Variants in ZNF677 observed in about 807,000 individuals in gnomAD.
The protein encoded by ZNF677 is hypothetical protein MGC48625.
Under a neutral mutation model 8.1 loss-of-function variants are expected in ZNF677, and 5 were observed. That is an observed-to-expected ratio of 0.62 (90% CI 0.32 to 1.29). The LOEUF is 1.29. Among genes scored for constraint, ZNF677 ranks in the 50% most tolerant of loss-of-function variants. The probability of loss-of-function intolerance (pLI) is 0.05; values close to 1 mark genes in which losing one functional copy is unlikely to be tolerated. For missense variants in ZNF677, 685 were observed against 685.9 expected (o/e 1.00, Z 0.01); for synonymous variants, 221 against 225.6 (o/e 0.98, Z 0.18).
chr19:53,249,894 T>C (rs540255147), intron 3 of ZNF677, among the ~76,000 whole-genome samples: 266 of 152,240 alleles, frequency 1.7e-3, no homozygotes, highest in African/African-American at 6.0e-3. Flanking sequence ...TTTTTTGAGA[T>C]GGAGTTTTGC....
chr19:53,251,676 G>A lies in ZNF677; in HGVS notation c.-55-71C>T, dbSNP rs886617046. 3.5e-5 allele frequency: 37 copies of A among 1,053,872 alleles called. No individual in the cohort carries two copies. In the African/African-American group the frequency reaches 5.4e-4, roughly 16 times the overall value. 65.3% of individuals were successfully genotyped at this position (1,053,872 alleles called of 1,614,324 possible). On this transcript the variant is annotated intron_variant, in intron 2 of 4. Transcript: ENST00000598513. ...CCCTGCCTCTACCACACACACACAGGAAGAGGCTTGATATAGAAAAAAGAT... is the reference window on the plus strand; with the variant it reads ...CCCTGCCTCTACCACACACACACAGAAAGAGGCTTGATATAGAAAAAAGAT...
intron 4 of ZNF677, chr19:53,238,846 C>T (rs2091006142): frequency 4.6e-6 from 1 of 216,818 alleles, no homozygotes; most frequent in African/African-American, 2.3e-5. Flanking sequence ...GGTATTTTTC[C>T]ACCACCACTC....
intron 4 of ZNF677, chr19:53,242,569 A>G: frequency 2.5e-6 from 1 of 396,148 alleles, no homozygotes; most frequent in Non-Finnish European, 4.4e-6. Flanking sequence ...ACATGTGGCA[A>G]AAGCAGAACT....
chr19:53,238,587 T>C, intron 4 of ZNF677, 30 bp from the exon 5 acceptor site: 1 of 1,510,250 alleles, frequency 6.6e-7, no homozygotes, highest in Non-Finnish European at 8.8e-7. Flanking sequence ...CCACAGGCTT[T>C]CCATCAAATA....
At chr19:53,252,025 C>T (rs536891649) in intron 2 of ZNF677, among the ~76,000 whole-genome samples, 17 of 152,222 alleles carry the variant, frequency 1.1e-4, no homozygotes, top group African/African-American at 4.1e-4. Context: ...GACTTTTGTC[C>T]CACAGGCAGG....
chr19:53,243,895 TC>T lies in ZNF677; in HGVS notation c.17del (p.Gly6AspfsTer10). On this transcript the variant is annotated frameshift_variant and splice_region_variant, in exon 4 of 5. Coordinates refer to ENST00000598513, the MANE Select transcript of ZNF677 (RefSeq NM_182609.4). LOFTEE classifies it high-confidence loss of function. MALSQ[G>X]LFTFKDVAIE... is the part of the protein sequence containing the mutation. ...TGGCCACATCCTTGAATGTAAACAG[TC>T]CCTGAAATAAAAACACACTTCACCA... The T allele has an allele frequency of 6.3e-7, 1 of 1,577,030 alleles. No homozygotes were observed. The highest frequency in any genetic ancestry group is 8.6e-7 in the Non-Finnish European group (1 of 1,166,658).
At chr19:53,254,243 TATAA>T (rs2091280058) in intron 1 of ZNF677, among the ~76,000 whole-genome samples, 2 of 152,022 alleles carry the variant, frequency 1.3e-5, no homozygotes, top group Non-Finnish European at 2.9e-5. Flanking sequence ...TCCCCCTCTC[TATAA>T]ATGTTTCTCT....
chr19:53,251,938 T>C (rs1203701775), intron 2 of ZNF677, among the ~76,000 whole-genome samples: 1 of 152,146 alleles, frequency 6.6e-6, no homozygotes, highest in Non-Finnish European at 1.5e-5. Context: ...ATGCAGGATA[T>C]AAAAGCCTAA....
chr19:53,236,125 AC>A lies in ZNF677; in HGVS notation c.*846del, dbSNP rs1219088146. The A allele has an allele frequency of 3.9e-5, 6 of 152,274 alleles. No homozygotes were observed. The highest frequency in any genetic ancestry group is 1.4e-4 in the African/African-American group (6 of 41,532). The allele number at this position is 152,274 out of a possible 1,614,324, so 9.4% of individuals were successfully genotyped here. On this transcript the variant is annotated 3_prime_UTR_variant, in exon 5 of 5. Coordinates refer to ENST00000598513, the MANE Select transcript of ZNF677 (RefSeq NM_182609.4). The stretch of plus-strand genomic sequence containing the variant: ...AGGCTGAGGCAGGAGAATTGCTTGA[AC>A]CCGGGAGACAGAGGTTGCAGTGAGC...
intron 2 of ZNF677, among the ~76,000 whole-genome samples, chr19:53,252,054 A>T (rs573882731): frequency 6.6e-6 from 1 of 152,224 alleles, no homozygotes; most frequent in African/African-American, 2.4e-5. Context: ...ATAAAAAGAT[A>T]TAACGCCAGG....
At chr19:53,246,090 G>A (rs576176667) in intron 3 of ZNF677, among the ~76,000 whole-genome samples, 10 of 152,142 alleles carry the variant, frequency 6.6e-5, no homozygotes, top group Admixed American at 2.6e-4. Context: ...AGGCCAAGGC[G>A]GATGGATCAC....
At chr19:53,244,469 C>G (rs1244244276) in intron 3 of ZNF677, among the ~76,000 whole-genome samples, 1 of 152,186 alleles carries the variant, frequency 6.6e-6, no homozygotes, top group African/African-American at 2.4e-5. Context: ...ACATTTTTAT[C>G]AACTCCAAAA....
At chr19:53,242,655 T>G in intron 4 of ZNF677, 1 of 374,504 alleles carries the variant, frequency 2.7e-6, no homozygotes, top group Non-Finnish European at 4.7e-6. Context: ...CAGATACATT[T>G]TGGGGGAGCC....
chr19:53,244,800 T>G (rs1366556570), intron 3 of ZNF677, among the ~76,000 whole-genome samples: 1 of 152,146 alleles, frequency 6.6e-6, no homozygotes, highest in Admixed American at 6.5e-5. Context: ...CACAGCAATT[T>G]TGAGCAAGAA....
intron 3 of ZNF677, among the ~76,000 whole-genome samples, chr19:53,248,359 A>C (rs1008671782): frequency 6.6e-5 from 10 of 152,350 alleles, no homozygotes; most frequent in African/African-American, 1.9e-4. Context: ...GTTTTTAAAA[A>C]ACCAGTAATA....
At chr19:53,241,830 C>A (rs960079946) in intron 4 of ZNF677, 3 of 398,512 alleles carry the variant, frequency 7.5e-6, no homozygotes, top group Admixed American at 4.4e-5. Flanking sequence ...AAGGAAACCT[C>A]TTCCATGGGA....
rs1017465135 is a variant in ZNF677, at chr19:53,236,552, T to C, written c.*420A>G. The C allele has an allele frequency of 3.9e-5, 6 of 154,266 alleles. No homozygotes were observed. The highest frequency in any genetic ancestry group is 1.4e-4 in the African/African-American group (6 of 41,490). The allele number at this position is 154,266 out of a possible 1,614,324, so 9.6% of individuals were successfully genotyped here. ...TAGTTCCCTCTAGCCTGAATTTTTGTATGACAAAATGCTTGCATATAAGGA... is the reference window on the plus strand; with the variant it reads ...TAGTTCCCTCTAGCCTGAATTTTTGCATGACAAAATGCTTGCATATAAGGA... On this transcript the variant is annotated 3_prime_UTR_variant, in exon 5 of 5. Transcript: ENST00000598513.
At chr19:53,244,715 TCACAGTGA>T (rs2091109407) in intron 3 of ZNF677, among the ~76,000 whole-genome samples, 2 of 152,282 alleles carry the variant, frequency 1.3e-5, no homozygotes, top group Non-Finnish European at 2.9e-5. Context: ...CCTATCAAAA[TCACAGTGA>T]CACTTTTTAC....
At chr19:53,250,023 C>A (rs2091209005) in intron 3 of ZNF677, among the ~76,000 whole-genome samples, 1 of 152,074 alleles carries the variant, frequency 6.6e-6, no homozygotes. Context: ...CAGGCACGTG[C>A]CACCATGCCC....
Sources: allele counts gnomAD v4.1 joint callset (sites outside exome capture counted in the v4.1 genomes callset), GRCh38; gene constraint gnomAD v4.1.1; transcripts MANE v1.5; gene names NCBI Gene and HGNC (gene_info 2026-07-23, HGNC 2026-07-21).